Variants in ANGEL2 observed in about 807,000 individuals in gnomAD.
ANGEL2 encodes angel homolog 2, also known as RNA 2',3'-cyclic phosphatase ANGEL2.
In ANGEL2, 41 loss-of-function variants were observed where a neutral mutation model predicts 66.0. The ratio of observed to expected loss-of-function variants is 0.62; its 90% confidence interval spans 0.48 to 0.81. The LOEUF (loss-of-function observed/expected upper bound fraction) is 0.81. ANGEL2 is among the 30% of genes least tolerant of loss of function. The pLI, the probability that ANGEL2 is intolerant of heterozygous loss-of-function variation, is 0.00. For synonymous variants in ANGEL2, 208 were observed against 226.5 expected, an observed-to-expected ratio of 0.92 and a Z score of 0.73; for missense variants, 561 against 641.6, an observed-to-expected ratio of 0.87 and a Z score of 1.36.
In ANGEL2 at chr1:213,015,734, T is replaced by C. The variant is rs2076629175; in HGVS notation, c.-63A>G. On this transcript the variant is annotated 5_prime_UTR_variant, in exon 1 of 9. Coordinates refer to ENST00000366962, the MANE Select transcript of ANGEL2 (RefSeq NM_144567.5). ...GTTCCACCTCAATCTCTATAATCGA[T>C]GCGACGGCCTAAAGTATCTAGGGAA... The C allele has an allele frequency of 6.2e-7, 1 of 1,609,458 alleles. No individual in the cohort carries two copies. The highest frequency in any genetic ancestry group is 1.7e-5 in the Admixed American group (1 of 59,964).
chr1:213,015,600 C>A lies in ANGEL2; in HGVS notation c.59+13G>T. The A allele has an allele frequency of 6.2e-7, 1 of 1,613,668 alleles. No homozygotes were observed. Among genetic ancestry groups the A allele is most frequent in the Non-Finnish European group, 8.5e-7 (1 of 1,179,824 alleles). ...CCCCTCTCTCCTCCCTCCGAGTACC[C>A]AGCCCTACTGACCGGCCTCTTCCCA... On this transcript the variant is annotated intron_variant, in intron 1 of 8. Coordinates refer to ENST00000366962, the MANE Select transcript of ANGEL2 (RefSeq NM_144567.5).
intron 4 of ANGEL2, 43 bp from the exon 5 acceptor site, chr1:213,005,497 A>G (rs781403017): frequency 5.6e-5 from 84 of 1,510,084 alleles, no homozygotes; most frequent in East Asian, 2.0e-4. Flanking sequence ...CTGCTTTTAT[A>G]TATTTATCAA....
chr1:213,005,325 A>T lies in ANGEL2; in HGVS notation c.842T>A (p.Leu281Ter). 1 of 1,614,256 alleles carries T rather than the reference A, an allele frequency of 6.2e-7. No individual in the cohort carries two copies. The highest frequency in any genetic ancestry group is 8.5e-7 in the Non-Finnish European group (1 of 1,180,044). ...VEFFRPDISL[L>*]DRDNVGLVLL... is the part of the protein sequence containing the mutation. The stretch of plus-strand genomic sequence containing the variant: ...AACTAATCCAACATTGTCTCTGTCC[A>T]ACAGAGAAATATCAGGGCGGAAGAA... The change falls in exon 5 of 9, where the codon TTG becomes TAG. Residue 281 changes from leucine to a stop codon, truncating the protein, a stop_gained. Coordinates refer to ENST00000366962, the MANE Select transcript of ANGEL2 (RefSeq NM_144567.5). LOFTEE classifies it high-confidence loss of function.
chr1:213,015,830 G>A lies in ANGEL2; in HGVS notation c.-159C>T, dbSNP rs142184191. 2.0e-4 allele frequency: 175 copies of A among 874,546 alleles called. No homozygotes were observed. The African/African-American group carries it at 2.6e-3, about 13-fold the overall frequency. 54.2% of individuals were successfully genotyped at this position (874,546 alleles called of 1,614,324 possible). A position where few individuals can be genotyped will look rare whatever the true frequency, so the allele number is the denominator to read the frequency against. On this transcript the variant is annotated 5_prime_UTR_variant, in exon 1 of 9. Coordinates refer to ENST00000366962, the MANE Select transcript of ANGEL2 (RefSeq NM_144567.5). ...GCTGGGAGGTGCAGTCTCGCCGGCC[G>A]GCCTACACTCCATCTTGCGCAGTCA...
intron 7 of ANGEL2, 99 bp from the exon 8 acceptor site, chr1:212,997,417 C>A: frequency 9.9e-7 from 1 of 1,010,236 alleles, no homozygotes; most frequent in Non-Finnish European, 1.5e-6. Context: ...AGACTAAGAC[C>A]AAACATTAGG....
chr1:213,002,938 C>A (rs923982964), intron 5 of ANGEL2, among the ~76,000 whole-genome samples: 1 of 149,186 alleles, frequency 6.7e-6, no homozygotes, highest in African/African-American at 2.5e-5. Flanking sequence ...AAAAAAAAAT[C>A]TATTATTTAG....
intron 3 of ANGEL2, 33 bp downstream of exon 3, chr1:213,008,177 A>T: frequency 6.3e-7 from 1 of 1,597,250 alleles, no homozygotes; most frequent in Non-Finnish European, 8.5e-7. Context: ...ACTTTTTCTT[A>T]TGTGAAGAAT....
In ANGEL2 at chr1:213,015,605, C is replaced by T. The variant is rs745897569; in HGVS notation, c.59+8G>A. 66 of 1,613,796 alleles carry T rather than the reference C, an allele frequency of 4.1e-5. No individual in the cohort carries two copies. The highest frequency in any genetic ancestry group is 1.7e-4 in the Admixed American group (10 of 59,978). On this transcript the variant is annotated splice_region_variant and intron_variant, in intron 1 of 8. Transcript: ENST00000366962. ...CTCTCCTCCCTCCGAGTACCCAGCC[C>T]TACTGACCGGCCTCTTCCCACCACA...
chr1:213,004,483 C>CT (rs57722597), intron 5 of ANGEL2, among the ~76,000 whole-genome samples: 229 of 145,250 alleles, frequency 1.6e-3, no homozygotes, highest in Middle Eastern at 3.5e-3. Flanking sequence ...TCTGTCAATA[C>CT]TTTTTTTTTT....
intron 2 of ANGEL2, among the ~76,000 whole-genome samples, chr1:213,009,235 A>G (rs1195511367): frequency 6.6e-6 from 1 of 152,250 alleles, no homozygotes; most frequent in Non-Finnish European, 1.5e-5. Context: ...CTTTGCAATC[A>G]TAGGCAGTCC....
chr1:212,997,111 T>TA, intron 8 of ANGEL2, 44 bp downstream of exon 8: 1 of 1,534,132 alleles, frequency 6.5e-7, no homozygotes, highest in Non-Finnish European at 8.9e-7. Flanking sequence ...AGGTTTTAGC[T>TA]ACTGTGCTCT....
At chr1:213,011,298 G>A (rs1014207606) in intron 2 of ANGEL2, 1 of 1,276,672 alleles carries the variant, frequency 7.8e-7, no homozygotes. Context: ...TTTTTAGGGT[G>A]CCTAATTACA....
At position 212,995,144 on chromosome 1, in the gene ANGEL2, G is replaced by C; in HGVS notation, c.1532C>G (p.Ser511Ter). 1 of 1,610,884 alleles carries C rather than the reference G, an allele frequency of 6.2e-7. No individual in the cohort carries two copies. The highest frequency in any genetic ancestry group is 8.5e-7 in the Non-Finnish European group (1 of 1,178,186). The change falls in exon 9 of 9, where the codon TCA (serine) becomes TGA (stop). Residue 511 changes from serine (S) to a stop codon, truncating the protein, a stop_gained. Transcript: ENST00000366962. LOFTEE classifies it high-confidence loss of function. ...CCATAAGTCTTGTTCTGTAAGAAGT[G>C]ACAGTCTAGCTAGAAGTTTCAAGCC... is the stretch of plus-strand genomic sequence containing the variant. ...VGGLKLLARL[S>*]LLTEQDLWTV...
At chr1:213,009,924 A>G (rs3124667) in intron 2 of ANGEL2, among the ~76,000 whole-genome samples, 151,893 of 151,946 alleles carry the variant, frequency 1, 75,920 homozygotes, top group Middle Eastern at 1. Context: ...GGTGGCATGC[A>G]CCTGTAATCC....
At position 213,000,386 on chromosome 1, in the gene ANGEL2, G is replaced by GT; in HGVS notation, c.1262-4dup. 6.2e-7 allele frequency: 1 copy of GT among 1,611,708 alleles called. No homozygotes were observed. The highest frequency in any genetic ancestry group is 1.1e-5 in the South Asian group (1 of 90,942). On this transcript the variant is annotated splice_polypyrimidine_tract_variant and splice_region_variant and intron_variant, in intron 6 of 8. Coordinates refer to ENST00000366962, the MANE Select transcript of ANGEL2 (RefSeq NM_144567.5). ...CTGTGTTTGTGTCAGATCACTGTCT[G>GT]TAAGAATAGAGGAAAATATATTAAT... is the stretch of plus-strand genomic sequence containing the variant.
At chr1:213,002,047 T>C (rs919277989) in intron 5 of ANGEL2, 20 of 154,140 alleles carry the variant, frequency 1.3e-4, no homozygotes, top group African/African-American at 4.8e-4. Flanking sequence ...ATGTTCTGAA[T>C]AGCATTTAGG....
chr1:213,004,327 G>A (rs997236287), intron 5 of ANGEL2, among the ~76,000 whole-genome samples: 12 of 151,992 alleles, frequency 7.9e-5, no homozygotes, highest in African/African-American at 1.9e-4. Flanking sequence ...AAATAATCAC[G>A]AGATAAATTG....
Position 213,005,365 on chromosome 1 carries a change from C to G in ANGEL2, c.802G>C (p.Val268Leu), listed in dbSNP as rs1558181995. ...FKHSKFSLLS[V>L]NPVEFFRPDI... The stretch of plus-strand genomic sequence containing the variant: ...GGGCGGAAGAATTCCACTGGGTTCA[C>G]TGACAAGAGTGAAAATTTGGAATGT... Residue 268 changes from valine to leucine, a missense_variant, in exon 5 of 9, where the codon GTG becomes CTG. Physicochemically the swap from Val to Leu is conservative, Grantham distance 32. Coordinates refer to ENST00000366962, the MANE Select transcript of ANGEL2 (RefSeq NM_144567.5). 6.2e-7 allele frequency: 1 copy of G among 1,614,108 alleles called. No individual in the cohort carries two copies. Among genetic ancestry groups the G allele is most frequent in the Non-Finnish European group, 8.5e-7 (1 of 1,180,044 alleles).
At chr1:213,014,808 C>G (rs2076596492) in intron 1 of ANGEL2, among the ~76,000 whole-genome samples, 1 of 152,196 alleles carries the variant, frequency 6.6e-6, no homozygotes, top group African/African-American at 2.4e-5. Flanking sequence ...GGAGTTACAA[C>G]CAAATCCCCA....
Sources: allele counts gnomAD v4.1 joint callset (sites outside exome capture counted in the v4.1 genomes callset), GRCh38; gene constraint gnomAD v4.1.1; transcripts MANE v1.5; gene names NCBI Gene and HGNC (gene_info 2026-07-23, HGNC 2026-07-21).